NEMP2: variants seen among roughly 807,000 people sequenced by gnomAD.
NEMP2 encodes nuclear envelope integral membrane protein 2.
A neutral mutation model predicts 54.2 loss-of-function variants in NEMP2; 53 were observed. That is an observed-to-expected ratio of 0.98 (90% CI 0.78 to 1.23). The LOEUF (loss-of-function observed/expected upper bound fraction) is 1.23. Among genes scored for constraint, NEMP2 ranks in the 50% most tolerant of loss-of-function variants. The probability of loss-of-function intolerance (pLI) is 0.00; values close to 1 mark genes in which losing one functional copy is unlikely to be tolerated. For synonymous variants in NEMP2, 197 were observed against 190.3 expected (o/e 1.04, Z -0.29); for missense variants, 455 against 511.3 (o/e 0.89, Z 1.06).
chr2:190,434,675 G>T, the NEMP2 span, among the ~76,000 whole-genome samples: 1 of 151,998 alleles, frequency 6.6e-6, no homozygotes, highest in African/African-American at 2.4e-5. The surrounding 1 kb of genome is among the most constrained non-coding windows in gnomAD (Gnocchi z 4.3). Context: ...CTCATGATCC[G>T]CCCCCCTCAG....
the NEMP2 span, among the ~76,000 whole-genome samples, chr2:190,576,127 C>T: frequency 6.6e-6 from 1 of 151,970 alleles, no homozygotes; most frequent in African/African-American, 2.4e-5. Context: ...CACCACCACA[C>T]CTGGCTTATT....
the NEMP2 span, among the ~76,000 whole-genome samples, chr2:190,600,710 C>T: frequency 1.3e-5 from 2 of 152,096 alleles, no homozygotes; most frequent in African/African-American, 4.8e-5. The surrounding 1 kb of genome is among the most constrained non-coding windows in gnomAD (Gnocchi z 4.9). Context: ...CAGCCTGAGG[C>T]CCTCATCAGA....
chr2:190,489,990 G>A, the NEMP2 span: 1 of 707,796 alleles, frequency 1.4e-6, no homozygotes, highest in Non-Finnish European at 2.3e-6. This position sits in a 1 kb window ranked among gnomAD's most constrained non-coding sequence, Gnocchi z 6.6. Flanking sequence ...AATTTTCTGA[G>A]TGGCGTATCG....
At chr2:190,554,953 G>A in the NEMP2 span, among the ~76,000 whole-genome samples, 1 of 152,250 alleles carries the variant, frequency 6.6e-6, no homozygotes, top group African/African-American at 2.4e-5. The surrounding 1 kb of genome is among the most constrained non-coding windows in gnomAD (Gnocchi z 5.7). Context: ...AAAGCTTCCA[G>A]AGGAAGGAAC....
the NEMP2 span, among the ~76,000 whole-genome samples, chr2:190,548,498 C>T: frequency 6.6e-6 from 1 of 152,168 alleles, no homozygotes; most frequent in African/African-American, 2.4e-5. Context: ...TTAGAGGTTA[C>T]TCCTTCCCCT....
the NEMP2 span, among the ~76,000 whole-genome samples, chr2:190,457,219 G>T: frequency 2.0e-5 from 3 of 152,292 alleles, no homozygotes; most frequent in Non-Finnish European, 1.5e-5. The surrounding 1 kb of genome is among the most constrained non-coding windows in gnomAD (Gnocchi z 5.1). Flanking sequence ...TGGGGACCTT[G>T]ACTTCCACTG....
At chr2:190,634,195 C>T in the NEMP2 span, among the ~76,000 whole-genome samples, 1 of 152,038 alleles carries the variant, frequency 6.6e-6, no homozygotes, top group South Asian at 2.1e-4. This position sits in a 1 kb window ranked among gnomAD's most constrained non-coding sequence, Gnocchi z 6.8. Context: ...ATATAATAAA[C>T]ACCCACATAC....
chr2:190,515,665 C>T (rs1690527123), intron 6 of NEMP2, among the ~76,000 whole-genome samples: 1 of 152,056 alleles, frequency 6.6e-6, no homozygotes, highest in African/African-American at 2.4e-5. Flanking sequence ...AGTAAAACAA[C>T]TTAATTGCTT....
At chr2:190,427,482 C>A in the NEMP2 span, among the ~76,000 whole-genome samples, 1 of 152,202 alleles carries the variant, frequency 6.6e-6, no homozygotes, top group Non-Finnish European at 1.5e-5. Context: ...AGCAAGCAGG[C>A]ACTTGTTAGG....
chr2:190,618,568 C>A, the NEMP2 span, among the ~76,000 whole-genome samples: 3 of 152,078 alleles, frequency 2.0e-5, no homozygotes, highest in African/African-American at 7.2e-5. Context: ...GGAGATAATT[C>A]CCCATTATCT....
chr2:190,593,909 A>C, the NEMP2 span, among the ~76,000 whole-genome samples: 1 of 152,192 alleles, frequency 6.6e-6, no homozygotes, highest in Non-Finnish European at 1.5e-5. The surrounding 1 kb of genome is among the most constrained non-coding windows in gnomAD (Gnocchi z 4.5). Flanking sequence ...TTGTTTCCCC[A>C]AAATCTACTG....
downstream of NEMP2, chr2:190,500,807 A>G (rs764843558): frequency 1.3e-5 from 2 of 152,856 alleles, no homozygotes; most frequent in Non-Finnish European, 2.9e-5. The surrounding 1 kb of genome is among the most constrained non-coding windows in gnomAD (Gnocchi z 5.3). Context: ...GAAACTTTAC[A>G]TATCTTTAGC....
the NEMP2 span, among the ~76,000 whole-genome samples, chr2:190,434,264 C>CTA: frequency 6.6e-6 from 1 of 152,002 alleles, no homozygotes; most frequent in African/African-American, 2.4e-5. The surrounding 1 kb of genome is among the most constrained non-coding windows in gnomAD (Gnocchi z 4.3). Flanking sequence ...CCATCAGAAT[C>CTA]TGTTCATTGG....
rs999532515 is a variant in NEMP2, at chr2:190,519,604, G to A, written c.214-421C>T. Among the ~76,000 whole-genome samples, 2 of 152,178 alleles carry A rather than the reference G, an allele frequency of 1.3e-5. No homozygotes were observed. Among genetic ancestry groups the A allele is most frequent in the Non-Finnish European group, 2.9e-5 (2 of 68,038 alleles). On this transcript the variant is annotated intron_variant, in intron 2 of 8. Coordinates refer to ENST00000409150, the MANE Select transcript of NEMP2 (RefSeq NM_001142645.2). This position sits in a 1 kb window ranked among gnomAD's most constrained non-coding sequence, Gnocchi z 5.4. ...AGCTGAAAAAAGAATACTCAAATGC[G>A]CAGGGTAGAGTTCTATGTTCTGATC...
chr2:190,532,061 C>T (rs1691163808), intron 1 of NEMP2, among the ~76,000 whole-genome samples: 1 of 152,104 alleles, frequency 6.6e-6, no homozygotes, highest in African/African-American at 2.4e-5. Context: ...TCCCCATTTT[C>T]CCTATAACTG....
At chr2:190,627,407 A>T in the NEMP2 span, among the ~76,000 whole-genome samples, 2 of 152,190 alleles carry the variant, frequency 1.3e-5, no homozygotes, top group Non-Finnish European at 2.9e-5. The surrounding 1 kb of genome is among the most constrained non-coding windows in gnomAD (Gnocchi z 4.4). Context: ...CATTCACAAA[A>T]GGATATTAAG....
chr2:190,423,919 T>G, the NEMP2 span, among the ~76,000 whole-genome samples: 2 of 152,252 alleles, frequency 1.3e-5, no homozygotes, highest in East Asian at 3.8e-4. The surrounding 1 kb of genome is among the most constrained non-coding windows in gnomAD (Gnocchi z 4.3). Flanking sequence ...TTTGTATCTA[T>G]GCATTTATAT....
the NEMP2 span, among the ~76,000 whole-genome samples, chr2:190,576,209 A>G: frequency 6.6e-6 from 1 of 152,082 alleles, no homozygotes; most frequent in East Asian, 1.9e-4. Context: ...GGTCTCAAGC[A>G]ATCCTTCTGC....
At chr2:190,598,023 C>T in the NEMP2 span, among the ~76,000 whole-genome samples, 2 of 152,162 alleles carry the variant, frequency 1.3e-5, no homozygotes, top group Admixed American at 6.6e-5. Context: ...GGGACAGATT[C>T]CTCTTCATTG....
Sources: gnomAD v4.1 joint callset for allele counts (sites outside exome capture counted in the v4.1 genomes callset) on GRCh38, gnomAD v4.1.1 for gene constraint, Gnocchi (gnomAD v3.1) non-coding constraint, MANE v1.5 for transcripts, NCBI Gene and HGNC (gene_info 2026-07-23, HGNC 2026-07-21) for gene names.